LDB3: variants seen among roughly 807,000 people sequenced by gnomAD.
LDB3 encodes the protein LIM domain-binding protein 3.
A neutral mutation model predicts 69.0 loss-of-function variants in LDB3; 49 were observed. That is an observed-to-expected ratio of 0.71 (90% CI 0.56 to 0.90). LDB3 has a LOEUF of 0.90. LDB3 is among the 40% of genes least tolerant of loss of function. The pLI, the probability that LDB3 is intolerant of heterozygous loss-of-function variation, is 0.00. For synonymous variants in LDB3, 387 were observed against 396.2 expected (o/e 0.98, Z 0.28); for missense variants, 928 against 974.1 (o/e 0.95, Z 0.63).
intron 2 of LDB3, among the ~76,000 whole-genome samples, chr10:86,669,897 C>T (rs892291627): frequency 1.3e-5 from 2 of 152,216 alleles, no homozygotes; most frequent in Non-Finnish European, 2.9e-5. Flanking sequence ...AAGGACTTGC[C>T]TTGGGCCTGG....
At chr10:86,670,504 T>A (rs1332743657) in intron 2 of LDB3, among the ~76,000 whole-genome samples, 5 of 152,102 alleles carry the variant, frequency 3.3e-5, no homozygotes, top group African/African-American at 1.2e-4. Context: ...CCCTGCCCTA[T>A]CCCTATGGGT....
chr10:86,693,886 T>TA (rs986544002), intron 7 of LDB3, among the ~76,000 whole-genome samples: 4 of 152,288 alleles, frequency 2.6e-5, no homozygotes, highest in South Asian at 2.1e-4. Context: ...AAACATTTGA[T>TA]AAAAAAGTCT....
At chr10:86,668,872 C>G (rs1844300693) in intron 2 of LDB3, 88 bp downstream of exon 2, 2 of 1,023,970 alleles carry the variant, frequency 2.0e-6, no homozygotes, top group Admixed American at 1.9e-5. Flanking sequence ...TCTGTCCTTT[C>G]TGAGCCTCTC....
intron 5 of LDB3, chr10:86,687,135 C>T (rs1177846896): frequency 1.9e-6 from 3 of 1,614,220 alleles, no homozygotes; most frequent in Non-Finnish European, 2.5e-6. Flanking sequence ...CCCACAAGCC[C>T]ATCGAGGTGA....
chr10:86,716,615 C>T lies in LDB3; in HGVS notation c.1520C>T (p.Thr507Ile). 1 of 1,613,914 alleles carries T rather than the reference C, an allele frequency of 6.2e-7. No homozygotes were observed. Among genetic ancestry groups the T allele is most frequent in the African/African-American group, 1.3e-5 (1 of 74,952 alleles). The change falls in exon 10 of 14, where the codon ACC becomes ATC. Residue 507 changes from threonine to isoleucine, a missense_variant. By Grantham distance (89) the Thr-to-Ile change is moderately conservative. Coordinates refer to ENST00000361373, the MANE Select transcript of LDB3 (RefSeq NM_007078.3). ...SQKFAPGKST[T>I]SISKQTLPRG... ...AAGTTTGCCCCGGGCAAGAGCACCA[C>T]CTCCATCAGCAAGCAGACCCTGCCC...
intron 7 of LDB3, among the ~76,000 whole-genome samples, chr10:86,696,660 G>C (rs547688526): frequency 6.6e-6 from 1 of 152,332 alleles, no homozygotes; most frequent in Non-Finnish European, 1.5e-5. Flanking sequence ...CAGGCAAACT[G>C]CCTGTGTCTG....
At chr10:86,685,484 C>A (rs1028889013) in intron 5 of LDB3, among the ~76,000 whole-genome samples, 3 of 152,204 alleles carry the variant, frequency 2.0e-5, no homozygotes, top group African/African-American at 7.2e-5. Context: ...GTCTCTGAAC[C>A]AAACCGAGGG....
chr10:86,692,079 C>G lies in LDB3; in HGVS notation c.859+14C>G, dbSNP rs748281629. On this transcript the variant is annotated intron_variant, in intron 6 of 13. Coordinates refer to ENST00000361373, the MANE Select transcript of LDB3 (RefSeq NM_007078.3). The stretch of plus-strand genomic sequence containing the variant: ...GGACAGAATTCAGTGAGTGCAGGCT[C>G]TCAGGGTGGCTGCAGAGGAGGGAGA... The G allele has an allele frequency of 5.1e-5, 82 of 1,613,654 alleles. No homozygotes were observed. Among genetic ancestry groups the G allele is most frequent in the Non-Finnish European group, 6.8e-5 (80 of 1,179,976 alleles).
At chr10:86,675,513 C>T (rs1332440652) in intron 2 of LDB3, among the ~76,000 whole-genome samples, 1 of 152,280 alleles carries the variant, frequency 6.6e-6, no homozygotes, top group Middle Eastern at 3.2e-3. Context: ...CCCAGCCCTG[C>T]AGGGGGACGA....
At chr10:86,701,042 T>C (rs1330991159) in intron 7 of LDB3, among the ~76,000 whole-genome samples, 2 of 152,024 alleles carry the variant, frequency 1.3e-5, no homozygotes, top group Non-Finnish European at 2.9e-5. Context: ...CCAGGAAGCG[T>C]TGGTGTTTGA....
chr10:86,679,832 C>T (rs761908172), intron 3 of LDB3, among the ~76,000 whole-genome samples: 6 of 152,218 alleles, frequency 3.9e-5, no homozygotes, highest in African/African-American at 7.2e-5. Flanking sequence ...CCCCCAGTGA[C>T]GTAGCAGGGG....
intron 7 of LDB3, among the ~76,000 whole-genome samples, chr10:86,698,614 C>T (rs80257700): frequency 0.095 from 14,512 of 152,268 alleles, 863 homozygotes; most frequent in African/African-American, 0.15. Flanking sequence ...GGCCAGAAGT[C>T]CTGGCCCTGT....
chr10:86,683,948 G>A (rs542986232), intron 5 of LDB3, among the ~76,000 whole-genome samples: 1 of 152,382 alleles, frequency 6.6e-6, no homozygotes, highest in East Asian at 1.9e-4. Flanking sequence ...GCTGGGACGG[G>A]TGGGTAATTT....
chr10:86,685,789 C>T (rs1845435612), intron 5 of LDB3: 3 of 1,448,954 alleles, frequency 2.1e-6, no homozygotes, highest in Admixed American at 3.3e-5. Flanking sequence ...AGTGTGCCTG[C>T]TGGCATGTGT....
intron 8 of LDB3, among the ~76,000 whole-genome samples, chr10:86,708,614 G>A (rs1846531401): frequency 1.3e-5 from 2 of 152,164 alleles, no homozygotes; most frequent in Non-Finnish European, 2.9e-5. Flanking sequence ...CCCCTACTCT[G>A]CTGGTCTTAG....
chr10:86,723,545 A>T (rs1178892906), intron 12 of LDB3, among the ~76,000 whole-genome samples: 1 of 152,132 alleles, frequency 6.6e-6, no homozygotes, highest in Non-Finnish European at 1.5e-5. Context: ...GCACCATGAG[A>T]CCACCTGGGA....
chr10:86,694,067 G>A (rs369190854), intron 7 of LDB3, among the ~76,000 whole-genome samples: 2 of 152,168 alleles, frequency 1.3e-5, no homozygotes, highest in Admixed American at 6.5e-5. Flanking sequence ...AGGCAGTCAC[G>A]CTCAGCTTGT....
At chr10:86,675,584 G>A (rs1166198186) in intron 2 of LDB3, among the ~76,000 whole-genome samples, 1 of 152,254 alleles carries the variant, frequency 6.6e-6, no homozygotes, top group Non-Finnish European at 1.5e-5. Context: ...TGCTGTGGGG[G>A]TGTCCTGCTG....
intron 2 of LDB3, among the ~76,000 whole-genome samples, chr10:86,671,316 C>T (rs145710526): frequency 2.3e-4 from 35 of 152,322 alleles, no homozygotes; most frequent in Non-Finnish European, 4.0e-4. Context: ...TCTGTCCCCT[C>T]TCAGCTGCAG....
Sources: allele counts gnomAD v4.1 joint callset (sites outside exome capture counted in the v4.1 genomes callset), GRCh38; gene constraint gnomAD v4.1.1; transcripts MANE v1.5; gene names NCBI Gene and HGNC (gene_info 2026-07-23, HGNC 2026-07-21).